The following ACCS variants were observed in gnomAD, a reference collection of about 807,000 sequenced individuals.
ACCS encodes the protein 1-aminocyclopropane-1-carboxylate synthase-like protein 1.
ACCS carries 42 observed loss-of-function variants against 59.8 expected under a neutral mutation model. The observed-to-expected ratio is 0.70, with a 90% CI of 0.55 to 0.91. ACCS has a LOEUF of 0.91. ACCS is among the 40% of genes least tolerant of loss of function. The pLI is 0.00. For synonymous variants in ACCS, 230 were observed against 240.3 expected, an observed-to-expected ratio of 0.96 and a Z score of 0.40; for missense variants, 602 against 630.4, an observed-to-expected ratio of 0.95 and a Z score of 0.48.
rs920559150 is a variant in ACCS at position 44,067,665 on chromosome 11, C to T, written c.38C>T (p.Thr13Ile). The T allele has an allele frequency of 5.6e-6, 9 of 1,613,500 alleles. No homozygotes were observed. In the Admixed American group the frequency reaches 1.2e-4, roughly 21 times the overall value. The change falls in exon 2 of 15, where the codon ACC becomes ATC. Residue 13 changes from threonine to isoleucine, a missense_variant. Transcript: ENST00000263776. ...CCTCAAAAGGACTTCAGGGCTCCCA[C>T]CACCTGTCTGGGCCCCACCTGCATG... Reference protein sequence around the residue: ...TLPQKDFRAPTTCLGPTCMQD... With the variant: ...TLPQKDFRAPITCLGPTCMQD...
chr11:44,066,798 T>C (rs1482798440), intron 1 of ACCS, 97 bp downstream of exon 1: 1 of 152,270 alleles, frequency 6.6e-6, no homozygotes, highest in Non-Finnish European at 1.5e-5. Context: ...GAGTTTATGG[T>C]GCGCCCAGTG....
Sources: allele counts gnomAD v4.1 joint callset, GRCh38; gene constraint gnomAD v4.1.1; transcripts MANE v1.5; gene names NCBI Gene and HGNC (gene_info 2026-07-23, HGNC 2026-07-21).